AKR1C1: variants seen among roughly 807,000 people sequenced by gnomAD.
AKR1C1 encodes the protein aldo-keto reductase family 1 member C1.
AKR1C1 carries 32 observed loss-of-function variants against 40.6 expected under a neutral mutation model. That is an observed-to-expected ratio of 0.79 (90% CI 0.60 to 1.06). The LOEUF (loss-of-function observed/expected upper bound fraction) is 1.06. AKR1C1 is among the 50% of genes least tolerant of loss of function. The probability of loss-of-function intolerance (pLI) is 0.00; values close to 1 mark genes in which losing one functional copy is unlikely to be tolerated. For synonymous variants in AKR1C1, 105 were observed against 134.2 expected (o/e 0.78, Z 1.50); for missense variants, 320 against 363.5 (o/e 0.88, Z 0.97).
intron 5 of AKR1C1, among the ~76,000 whole-genome samples, chr10:4,970,788 T>C (rs1422066681): frequency 4.2e-5 from 5 of 117,680 alleles, no homozygotes; most frequent in Non-Finnish European, 8.2e-5. Context: ...GGAAGGGGAA[T>C]ATCACACTCT....
At position 4,982,998 on chromosome 10, in the gene AKR1C1, C is replaced by T. The variant is rs573514689; in HGVS notation, c.*5256C>T. The T allele has an allele frequency of 4.1e-4, 181 of 439,314 alleles. No individual in the cohort carries two copies. The highest frequency in any genetic ancestry group is 7.2e-4 in the Middle Eastern group (1 of 1,380). 27.2% of individuals were successfully genotyped at this position (439,314 alleles called of 1,614,324 possible). A position where few individuals can be genotyped will look rare whatever the true frequency, so the allele number is the denominator to read the frequency against. ...TACAGCCAGGGAGTCTCAGAGTCTA[C>T]GTCACTCCCCTGCCACCTCAATCAG... On this transcript the variant is annotated 3_prime_UTR_variant, in exon 9 of 9. Transcript: ENST00000380872.
At chr10:4,966,772 T>C (rs1489098125) in intron 2 of AKR1C1, among the ~76,000 whole-genome samples, 155 bp from the exon 3 acceptor site, 1 of 150,782 alleles carries the variant, frequency 6.6e-6, no homozygotes, top group African/African-American at 2.4e-5. Flanking sequence ...CATCATGATA[T>C]GGCAGAACAA....
In AKR1C1 at chr10:4,979,199, G is replaced by A. The variant is rs1171027335; in HGVS notation, c.*1457G>A. The A allele has an allele frequency of 6.6e-6, 1 of 152,090 alleles. No homozygotes were observed. The highest frequency in any genetic ancestry group is 1.5e-5 in the Non-Finnish European group (1 of 68,018). The allele number at this position is 152,090 out of a possible 1,614,324, so 9.4% of individuals were successfully genotyped here. A position where few individuals can be genotyped will look rare whatever the true frequency, so the allele number is the denominator to read the frequency against. On this transcript the variant is annotated 3_prime_UTR_variant, in exon 9 of 9. Transcript: ENST00000380872. ...AAAATTGGAGTAGGCCATAAACTTT[G>A]GAGGGCCCTAGACCAATTTTTTGGA... is the stretch of plus-strand genomic sequence containing the variant.
chr10:4,974,947 T>C (rs1298980895), intron 7 of AKR1C1, among the ~76,000 whole-genome samples: 1 of 152,212 alleles, frequency 6.6e-6, no homozygotes, highest in Admixed American at 6.5e-5. Context: ...TTTAGTCTCT[T>C]GTTGACATTG....
chr10:4,973,989 A>G (rs1836483732), intron 7 of AKR1C1, among the ~76,000 whole-genome samples: 1 of 151,360 alleles, frequency 6.6e-6, no homozygotes, highest in Non-Finnish European at 1.5e-5. Flanking sequence ...ATGTGTCACT[A>G]TTTGCTAAAA....
At chr10:4,970,286 TG>T (rs1389701947) in intron 5 of AKR1C1, among the ~76,000 whole-genome samples, 1 of 152,234 alleles carries the variant, frequency 6.6e-6, no homozygotes, top group East Asian at 1.9e-4. Context: ...AATTTTTCCT[TG>T]CTTAATCAAA....
At position 4,979,207 on chromosome 10, in the gene AKR1C1, C is replaced by A. The variant is rs782097564; in HGVS notation, c.*1465C>A. ...AGTAGGCCATAAACTTTGGAGGGCC[C>A]TAGACCAATTTTTTGGATTATTTTT... On this transcript the variant is annotated 3_prime_UTR_variant, in exon 9 of 9. Transcript: ENST00000380872. 6.6e-6 allele frequency: 1 copy of A among 152,128 alleles called. No homozygotes were observed. Among genetic ancestry groups the A allele is most frequent in the Non-Finnish European group, 1.5e-5 (1 of 68,024 alleles). The allele number at this position is 152,128 out of a possible 1,614,324, so 9.4% of individuals were successfully genotyped here.
Position 4,982,916 on chromosome 10 carries a change from G to A in AKR1C1, c.*5174G>A. The A allele has an allele frequency of 6.7e-6, 3 of 448,740 alleles. No individual in the cohort carries two copies. Among genetic ancestry groups the A allele is most frequent in the Non-Finnish European group, 1.3e-5 (3 of 223,882 alleles). The allele number at this position is 448,740 out of a possible 1,614,324, so 27.8% of individuals were successfully genotyped here. The stretch of plus-strand genomic sequence containing the variant: ...TCAGAGGTCTTGAGTCGGTCCGCAT[G>A]ACAAGTTCACCGCTCGCATAACCAG... On this transcript the variant is annotated 3_prime_UTR_variant, in exon 9 of 9. Transcript: ENST00000380872.
chr10:4,965,334 C>T (rs932389832), intron 1 of AKR1C1, among the ~76,000 whole-genome samples: 1 of 152,038 alleles, frequency 6.6e-6, no homozygotes, highest in African/African-American at 2.4e-5. Flanking sequence ...TGCAGTGGTG[C>T]GACCTCAGCT....
rs1836361363 is a variant in AKR1C1 at position 4,968,328 on chromosome 10, C to T, written c.389C>T (p.Pro130Leu). The T allele has an allele frequency of 6.4e-7, 1 of 1,562,474 alleles. No homozygotes were observed. The highest frequency in any genetic ancestry group is 8.7e-7 in the Non-Finnish European group (1 of 1,149,172). Reference sequence around the variant, plus strand: ...CTTCAGCCAGGTGAGGAAGTGATCCCAAAAGATGAAAATGGAAAAATACTA... The same window carrying T: ...CTTCAGCCAGGTGAGGAAGTGATCCTAAAAGATGAAAATGGAAAAATACTA... ...VSVKPGEEVI[P>L]KDENGKILFD... The change falls in exon 4 of 9, where the codon CCA (proline) becomes CTA (leucine). Residue 130 changes from proline to leucine, a missense_variant. Physicochemically the swap from Pro to Leu is moderately conservative, Grantham distance 98. Around this residue, in one of 3 missense-constraint regions of AKR1C1, gnomAD observed 214 missense variants for 214.8 expected, o/e 1.00. Coordinates refer to ENST00000380872, the MANE Select transcript of AKR1C1 (RefSeq NM_001353.6).
intron 5 of AKR1C1, chr10:4,969,824 G>A (rs1264516438): frequency 9.4e-6 from 13 of 1,389,906 alleles, no homozygotes; most frequent in Non-Finnish European, 1.3e-5. Context: ...TTTATTTTAT[G>A]TTTTAAAACT....
rs1429093805 is a variant in AKR1C1, at chr10:4,980,720, C to T, written c.*2978C>T. ...TGTCTTGCTATTTCCACCACATCTG[C>T]AATTACTTTCTCCACTGAAATCTTG... On this transcript the variant is annotated 3_prime_UTR_variant, in exon 9 of 9. Transcript: ENST00000380872. 10 of 151,844 alleles carry T rather than the reference C, an allele frequency of 6.6e-5. No individual in the cohort carries two copies. The highest frequency in any genetic ancestry group is 2.4e-4 in the African/African-American group (10 of 41,366). The allele number at this position is 151,844 out of a possible 1,614,324, so 9.4% of individuals were successfully genotyped here.
intron 7 of AKR1C1, among the ~76,000 whole-genome samples, chr10:4,973,030 A>G (rs1836464250): frequency 1.3e-5 from 2 of 152,276 alleles, no homozygotes; most frequent in South Asian, 4.1e-4. Flanking sequence ...TTTATTTTTT[A>G]TAATGAAGCA....
rs1386098164 is a variant in AKR1C1 at position 4,981,386 on chromosome 10, C to G, written c.*3644C>G. On this transcript the variant is annotated 3_prime_UTR_variant, in exon 9 of 9. Transcript: ENST00000380872. ...AGAAATCAGAGATATCACAAAATGA[C>G]AAAACAAGTACAGGGGCAGCAAAAG... is the stretch of plus-strand genomic sequence containing the variant. The G allele has an allele frequency of 1.3e-5, 2 of 152,044 alleles. No individual in the cohort carries two copies. The allele number at this position is 152,044 out of a possible 1,614,324, so 9.4% of individuals were successfully genotyped here.
chr10:4,975,030 A>T (rs1317311456), intron 7 of AKR1C1, among the ~76,000 whole-genome samples: 1 of 152,130 alleles, frequency 6.6e-6, no homozygotes, highest in Admixed American at 6.5e-5. Flanking sequence ...CATGATCATA[A>T]TATGAATTTC....
In AKR1C1 at chr10:4,972,820, C is replaced by T. The variant is rs530825710; in HGVS notation, c.846+71C>T. 2.4e-4 allele frequency: 366 copies of T among 1,553,382 alleles called. No homozygotes were observed. The African/African-American group carries it at 3.3e-3, about 14-fold the overall frequency. On this transcript the variant is annotated intron_variant, in intron 7 of 8. Coordinates refer to ENST00000380872, the MANE Select transcript of AKR1C1 (RefSeq NM_001353.6). ...TCACACGTGTGCTTCTTGTAAGGCT[C>T]TCAGGACAGCCTTGGGCCAGCTCCA...
intron 8 of AKR1C1, 94 bp from the exon 9 acceptor site, chr10:4,977,606 C>G (rs1218554858): frequency 1.3e-6 from 2 of 1,489,412 alleles, no homozygotes; most frequent in African/African-American, 2.8e-5. Context: ...TTCTTAACAT[C>G]TACACTAGCG....
intron 8 of AKR1C1, among the ~76,000 whole-genome samples, chr10:4,976,955 G>C (rs75391810): frequency 6.6e-6 from 1 of 151,552 alleles, no homozygotes; most frequent in Admixed American, 6.6e-5. Flanking sequence ...AATGTTTTTG[G>C]GGATCATGAA....
chr10:4,965,214 T>A (rs1836312185), intron 1 of AKR1C1, among the ~76,000 whole-genome samples: 1 of 152,186 alleles, frequency 6.6e-6, no homozygotes, highest in Non-Finnish European at 1.5e-5. Flanking sequence ...CTGTATTCCT[T>A]CATATTTCCT....
Sources: allele counts gnomAD v4.1 joint callset (sites outside exome capture counted in the v4.1 genomes callset), GRCh38; gene constraint gnomAD v4.1.1; regional missense constraint gnomAD v4.1.1; transcripts MANE v1.5; gene names NCBI Gene and HGNC (gene_info 2026-07-23, HGNC 2026-07-21).